Variants in RMST observed in about 807,000 individuals in gnomAD.
RMST encodes rhabdomyosarcoma 2 associated transcript.
chr12:97,470,817 A>C (rs1210458903), intron 5 of RMST, among the ~76,000 whole-genome samples: 1 of 151,976 alleles, frequency 6.6e-6, no homozygotes, highest in Non-Finnish European at 1.5e-5. Context: ...CAGTATCATA[A>C]AAGTTGCTGA....
chr12:97,496,741 C>T (rs146037808), intron 10 of RMST, among the ~76,000 whole-genome samples: 2 of 152,170 alleles, frequency 1.3e-5, no homozygotes, highest in East Asian at 1.9e-4. Context: ...AAACATTAGC[C>T]CTGCTCCCTG....
chr12:97,547,511 T>C (rs1883027308), intron 11 of RMST, among the ~76,000 whole-genome samples: 1 of 152,072 alleles, frequency 6.6e-6, no homozygotes, highest in Non-Finnish European at 1.5e-5. Context: ...TTCTAACCAA[T>C]GGTGTGAGAG....
intron 11 of RMST, among the ~76,000 whole-genome samples, chr12:97,555,524 A>G (rs995872838): frequency 5.9e-5 from 9 of 152,204 alleles, no homozygotes; most frequent in Admixed American, 3.3e-4. Flanking sequence ...TATAGCCACA[A>G]TTTCCTAGAT....
chr12:97,511,921 C>T (rs1879349791), intron 10 of RMST, among the ~76,000 whole-genome samples: 1 of 152,184 alleles, frequency 6.6e-6, no homozygotes, highest in Non-Finnish European at 1.5e-5. Context: ...TCTAAATCAA[C>T]AAGACAATAT....
chr12:97,475,577 C>CTTT (rs895357379), intron 5 of RMST, among the ~76,000 whole-genome samples: 6 of 126,972 alleles, frequency 4.7e-5, no homozygotes, highest in East Asian at 2.2e-4. Context: ...ACCTTAGTAT[C>CTTT]TTTTTTTTTG....
At chr12:97,486,905 A>T (rs1291750619) in intron 5 of RMST, among the ~76,000 whole-genome samples, 4 of 152,216 alleles carry the variant, frequency 2.6e-5, no homozygotes, top group Admixed American at 6.5e-5. Flanking sequence ...ATGCTATACG[A>T]CTTGTAATTG....
intron 11 of RMST, among the ~76,000 whole-genome samples, chr12:97,543,600 G>C (rs539594262): frequency 4.6e-5 from 7 of 151,938 alleles, no homozygotes; most frequent in African/African-American, 1.7e-4. Flanking sequence ...AATGATGTGC[G>C]TATGACTATG....
intron 10 of RMST, among the ~76,000 whole-genome samples, chr12:97,527,032 G>C (rs1881181660): frequency 6.6e-6 from 1 of 152,290 alleles, no homozygotes; most frequent in South Asian, 2.1e-4. Context: ...CTGGAAGCAG[G>C]ATGTCTGACT....
chr12:97,507,773 T>C (rs1191521352), intron 10 of RMST, among the ~76,000 whole-genome samples: 2 of 151,968 alleles, frequency 1.3e-5, no homozygotes, highest in Non-Finnish European at 2.9e-5. Context: ...ATGGAGGAGG[T>C]AGTATTTGTG....
At chr12:97,517,859 G>A (rs1361461360) in intron 10 of RMST, among the ~76,000 whole-genome samples, 2 of 151,910 alleles carry the variant, frequency 1.3e-5, no homozygotes, top group Non-Finnish European at 2.9e-5. Flanking sequence ...AGGAATATGT[G>A]CATTAAAATT....
intron 11 of RMST, among the ~76,000 whole-genome samples, chr12:97,556,910 C>T (rs1490160169): frequency 6.6e-6 from 1 of 152,122 alleles, no homozygotes; most frequent in Non-Finnish European, 1.5e-5. Flanking sequence ...GAAAAGCAGA[C>T]ATTTTAATAT....
At chr12:97,470,471 G>A (rs1873783172) in intron 5 of RMST, among the ~76,000 whole-genome samples, 1 of 151,886 alleles carries the variant, frequency 6.6e-6, no homozygotes, top group African/African-American at 2.4e-5. Context: ...TGACAATGGA[G>A]GAAAGCTTGC....
chr12:97,511,115 A>G (rs1879239246), intron 10 of RMST, among the ~76,000 whole-genome samples: 2 of 150,910 alleles, frequency 1.3e-5, no homozygotes, highest in Non-Finnish European at 2.9e-5. Context: ...TTAGTGGGCA[A>G]TTATAATAAA....
chr12:97,494,020 A>G (rs976501634), intron 8 of RMST: 1 of 152,178 alleles, frequency 6.6e-6, no homozygotes, highest in Admixed American at 6.5e-5. Context: ...ATTTATTGTG[A>G]ATTGGCTTCC....
intron 5 of RMST, among the ~76,000 whole-genome samples, chr12:97,474,275 G>T (rs972099931): frequency 6.6e-6 from 1 of 152,078 alleles, no homozygotes; most frequent in African/African-American, 2.4e-5. Context: ...TGGGAAGCAA[G>T]GTTCGCCATC....
In RMST at chr12:97,475,953, G is replaced by A. The variant is rs573204478; in HGVS notation, n.644+10226G>A. Among the ~76,000 whole-genome samples, 7 of 152,244 alleles carry A rather than the reference G, an allele frequency of 4.6e-5. No homozygotes were observed. The East Asian group carries it at 5.8e-4, about 13-fold the overall frequency. ...CCACGTTGCTGCATCACATACTGAC[G>A]TTGTTTGAGAGTGTGCTTTTAAGTG... On this transcript the variant is annotated intron_variant and non_coding_transcript_variant, in intron 5 of 13. Transcript: ENST00000640149.
intron 10 of RMST, among the ~76,000 whole-genome samples, chr12:97,514,670 T>G (rs1430871512): frequency 1.3e-5 from 2 of 151,978 alleles, no homozygotes; most frequent in South Asian, 2.1e-4. Context: ...GTATATTGTT[T>G]TTTTTTTTTC....
chr12:97,558,584 C>G (rs538317740), intron 11 of RMST, among the ~76,000 whole-genome samples: 19 of 152,244 alleles, frequency 1.2e-4, no homozygotes, highest in African/African-American at 4.1e-4. Context: ...TTCAAATATA[C>G]AGCTGAGTTT....
At position 97,543,790 on chromosome 12, in the gene RMST, C is replaced by T. The variant is rs189710307; in HGVS notation, n.1545+12931C>T. ...TGAAAGAGCCAGGATTCAAACTCAC[C>T]GGTATGATCTTCTACATCTCATGTT... is the stretch of plus-strand genomic sequence containing the variant. On this transcript the variant is annotated intron_variant and non_coding_transcript_variant, in intron 11 of 13. Coordinates refer to ENST00000640149, the Ensembl canonical transcript of RMST. Among the ~76,000 whole-genome samples the T allele has an allele frequency of 3.9e-5, 6 of 152,000 alleles. No individual in the cohort carries two copies. The East Asian group carries it at 7.8e-4, about 20-fold the overall frequency.
Sources: allele counts gnomAD v4.1 joint callset (sites outside exome capture counted in the v4.1 genomes callset), GRCh38; gene constraint gnomAD v4.1.1; transcripts MANE v1.5; gene names NCBI Gene and HGNC (gene_info 2026-07-23, HGNC 2026-07-21).